Variants in NMNAT3 observed in about 807,000 individuals in gnomAD.
NMNAT3 encodes nicotinamide/nicotinic acid mononucleotide adenylyltransferase 3.
In NMNAT3, 21 loss-of-function variants were observed where a neutral mutation model predicts 24.8. The observed-to-expected ratio is 0.85, with a 90% CI of 0.60 to 1.22. The LOEUF (loss-of-function observed/expected upper bound fraction) is 1.22. Ranked by LOEUF, NMNAT3 falls within the 50% of genes most tolerant of loss-of-function variation. The pLI is 0.00. For synonymous variants in NMNAT3, 136 were observed against 155.2 expected, an observed-to-expected ratio of 0.88 and a Z score of 0.92; for missense variants, 387 against 436.6, an observed-to-expected ratio of 0.89 and a Z score of 1.01.
chr3:139,639,158 C>T (rs542871397), intron 1 of NMNAT3, among the ~76,000 whole-genome samples: 1 of 152,306 alleles, frequency 6.6e-6, no homozygotes, highest in South Asian at 2.1e-4. Context: ...ACCTATCCAT[C>T]TGACTGGAGA....
rs559578492 is a variant in NMNAT3 at position 139,603,447 on chromosome 3, C to A, written c.110-20239G>T. On this transcript the variant is annotated intron_variant, in intron 3 of 6. Coordinates refer to ENST00000643695, the MANE Select transcript of NMNAT3 (RefSeq NM_001320510.2). ...TATTTGGGGGCATTTTCTCCAATAT[C>A]AACTTCCTGCTTCTGAAATTCAGGT... Among the ~76,000 whole-genome samples the A allele has an allele frequency of 7.9e-5, 12 of 152,312 alleles. No individual in the cohort carries two copies. The South Asian group carries it at 2.1e-3, about 26-fold the overall frequency.
chr3:139,567,012 A>G (rs1174245701), intron 6 of NMNAT3: 1 of 151,392 alleles, frequency 6.6e-6, no homozygotes, highest in Non-Finnish European at 1.5e-5. Flanking sequence ...ATGTTCTTCC[A>G]TTTGTTTGTA....
intron 3 of NMNAT3, among the ~76,000 whole-genome samples, chr3:139,589,534 T>C (rs2054078428): frequency 6.6e-6 from 1 of 152,318 alleles, no homozygotes; most frequent in African/African-American, 2.4e-5. Flanking sequence ...AGTGAAGTCT[T>C]CAAAATGTTA....
chr3:139,598,550 A>G (rs1225743187), intron 3 of NMNAT3, among the ~76,000 whole-genome samples: 1 of 152,162 alleles, frequency 6.6e-6, no homozygotes, highest in Non-Finnish European at 1.5e-5. Context: ...ATGAATGAAG[A>G]GTCCCTGGAT....
chr3:139,649,779 A>G (rs2108384109), intron 1 of NMNAT3, among the ~76,000 whole-genome samples: 2 of 152,310 alleles, frequency 1.3e-5, no homozygotes, highest in African/African-American at 4.8e-5. Context: ...CATCACATAC[A>G]AAAGGAGAAC....
At chr3:139,580,591 A>G (rs1211864934) in intron 4 of NMNAT3, among the ~76,000 whole-genome samples, 11 of 152,170 alleles carry the variant, frequency 7.2e-5, no homozygotes, top group Admixed American at 7.2e-4. Context: ...GACGCTCGCC[A>G]CCTGGCAGCC....
At chr3:139,664,212 T>C (rs1174394538) in intron 1 of NMNAT3, among the ~76,000 whole-genome samples, 1 of 152,200 alleles carries the variant, frequency 6.6e-6, no homozygotes, top group Non-Finnish European at 1.5e-5. Context: ...CCTTTCTTAA[T>C]TTAGGTCTAG....
At chr3:139,656,700 G>A (rs2057255825) in intron 1 of NMNAT3, among the ~76,000 whole-genome samples, 1 of 152,146 alleles carries the variant, frequency 6.6e-6, no homozygotes, top group Non-Finnish European at 1.5e-5. Flanking sequence ...GCTGAAATGG[G>A]AGGATCTCTT....
chr3:139,665,381 G>T (rs962001865), intron 1 of NMNAT3, among the ~76,000 whole-genome samples: 1 of 152,136 alleles, frequency 6.6e-6, no homozygotes, highest in South Asian at 2.1e-4. Context: ...TGGCACAGAC[G>T]TCTTCGGCAA....
chr3:139,591,494 G>A (rs781429854), intron 3 of NMNAT3, among the ~76,000 whole-genome samples: 460 of 152,292 alleles, frequency 3.0e-3, no homozygotes, highest in Middle Eastern at 6.8e-3. Context: ...GCCTGCCTCT[G>A]TAGGCTCCAC....
intron 1 of NMNAT3, among the ~76,000 whole-genome samples, chr3:139,677,242 T>C (rs1319016536): frequency 6.6e-6 from 1 of 152,206 alleles, no homozygotes; most frequent in Non-Finnish European, 1.5e-5. Flanking sequence ...CTTGTTTGCA[T>C]AGATATCCAT....
intron 1 of NMNAT3, among the ~76,000 whole-genome samples, chr3:139,639,114 A>G (rs1299050575): frequency 1.3e-5 from 2 of 152,122 alleles, no homozygotes; most frequent in African/African-American, 4.8e-5. Flanking sequence ...TCTCTCTTAC[A>G]TCTCATCCCA....
intron 3 of NMNAT3, among the ~76,000 whole-genome samples, chr3:139,625,462 G>A (rs1265440755): frequency 2.0e-5 from 3 of 151,624 alleles, no homozygotes; most frequent in African/African-American, 7.3e-5. Flanking sequence ...TACTTCCTCT[G>A]TATGCTTATT....
intron 2 of NMNAT3, among the ~76,000 whole-genome samples, chr3:139,629,178 T>C (rs1391623808): frequency 6.6e-6 from 1 of 152,228 alleles, no homozygotes; most frequent in African/African-American, 2.4e-5. Flanking sequence ...CTTTCTTACT[T>C]GCTCACCCTG....
intron 2 of NMNAT3, among the ~76,000 whole-genome samples, chr3:139,628,770 C>A (rs1161489122): frequency 6.6e-6 from 1 of 152,208 alleles, no homozygotes; most frequent in East Asian, 1.9e-4. Flanking sequence ...AAATCACAGA[C>A]CCTCTCTGAG....
intron 2 of NMNAT3, among the ~76,000 whole-genome samples, chr3:139,629,254 G>A (rs968750957): frequency 1.3e-5 from 2 of 152,192 alleles, no homozygotes; most frequent in Non-Finnish European, 2.9e-5. Flanking sequence ...AAGTGAGAGA[G>A]ACCTCTGGTG....
chr3:139,601,707 T>TG (rs1219881699), intron 3 of NMNAT3, among the ~76,000 whole-genome samples: 2 of 151,604 alleles, frequency 1.3e-5, no homozygotes, highest in African/African-American at 2.4e-5. Flanking sequence ...GGGTTGGGGG[T>TG]GGGGGATAAA....
In NMNAT3 at chr3:139,627,716, G is replaced by T. The variant is rs1256832192; in HGVS notation, c.9C>A (p.Ser3Arg). 6.3e-7 allele frequency: 1 copy of T among 1,590,202 alleles called. No homozygotes were observed. The highest frequency in any genetic ancestry group is 2.2e-5 in the East Asian group (1 of 44,732). Residue 3 changes from serine (S) to arginine (R), a missense_variant, in exon 3 of 7, where the codon AGC (serine) becomes AGA (arginine). By Grantham distance (110) the Ser-to-Arg change is moderately radical. This residue lies in a region of NMNAT3 where 51 missense variants were observed against 55.6 expected (regional missense o/e 0.92). Coordinates refer to ENST00000643695, the MANE Select transcript of NMNAT3 (RefSeq NM_001320510.2). ...AGGCCAGGAGCACCACAGGTATTCG[G>T]CTCTTCATCTTGTCAGGCACATCCA...
intron 1 of NMNAT3, among the ~76,000 whole-genome samples, chr3:139,655,146 C>A (rs2057195843): frequency 6.6e-6 from 1 of 152,156 alleles, no homozygotes; most frequent in Non-Finnish European, 1.5e-5. Context: ...ATGTGAGAGG[C>A]CATGGAGCAT....
Sources: gnomAD v4.1 joint callset for allele counts (sites outside exome capture counted in the v4.1 genomes callset) on GRCh38, gnomAD v4.1.1 for gene constraint, gnomAD v4.1.1 regional missense constraint, MANE v1.5 for transcripts, NCBI Gene and HGNC (gene_info 2026-07-23, HGNC 2026-07-21) for gene names.